CLPSL1: variants seen among roughly 807,000 people sequenced by gnomAD.
CLPSL1 encodes the protein colipase-like protein 1.
Under a neutral mutation model 9.3 loss-of-function variants are expected in CLPSL1, and 13 were observed. The ratio of observed to expected loss-of-function variants is 1.40; its 90% CI spans 0.91 to 2.22. The LOEUF is 2.22. Among genes scored for constraint, CLPSL1 ranks in the 30% most tolerant of loss-of-function variants. The pLI is 0.00. For missense variants in CLPSL1, 164 were observed against 146.6 expected (o/e 1.12, Z -0.61); for synonymous variants, 58 against 56.9 (o/e 1.02, Z -0.08).
chr6:35,781,762 T>C (rs1415439255), intron 1 of CLPSL1, among the ~76,000 whole-genome samples: 1 of 151,120 alleles, frequency 6.6e-6, no homozygotes, highest in Non-Finnish European at 1.5e-5. Context: ...TTTCTTTTTT[T>C]TGGGACAGAG....
downstream of CLPSL1, among the ~76,000 whole-genome samples, chr6:35,788,605 G>T (rs1197041479): frequency 1.3e-5 from 2 of 152,256 alleles, no homozygotes; most frequent in Non-Finnish European, 2.9e-5. Context: ...TAGGGAAACG[G>T]GTTGAGCAAC....
At chr6:35,785,423 C>T (rs910458273) in intron 1 of CLPSL1, among the ~76,000 whole-genome samples, 9 of 152,002 alleles carry the variant, frequency 5.9e-5, no homozygotes, top group African/African-American at 9.7e-5. Flanking sequence ...GTGATCTGCC[C>T]GCCTCGGCCT....
At chr6:35,792,605 C>T (rs1392975895), downstream of CLPSL1, among the ~76,000 whole-genome samples, 1 of 152,286 alleles carries the variant, frequency 6.6e-6, no homozygotes, top group Non-Finnish European at 1.5e-5. Flanking sequence ...TACAGGAGCA[C>T]TGGCCGTTGG....
downstream of CLPSL1, among the ~76,000 whole-genome samples, chr6:35,792,073 C>G (rs1024118692): frequency 1.1e-4 from 16 of 148,356 alleles, no homozygotes; most frequent in South Asian, 2.1e-4. Context: ...GCAACAGAGA[C>G]AGACTCCATC....
At position 35,781,031 on chromosome 6, in the gene CLPSL1, C is replaced by A; in HGVS notation, c.-80C>A. On this transcript the variant is annotated 5_prime_UTR_variant, in exon 1 of 3. Transcript: ENST00000373861. ...GGGTGCTGGTTTTACATGGTGTTCC[C>A]ACAGCTGGGAGGACACCCACATGGT... 6.3e-7 allele frequency: 1 copy of A among 1,576,340 alleles called. No individual in the cohort carries two copies. Among genetic ancestry groups the A allele is most frequent in the Non-Finnish European group, 8.6e-7 (1 of 1,160,946 alleles).
chr6:35,793,996 T>G (rs1306217488), downstream of CLPSL1, among the ~76,000 whole-genome samples: 1 of 152,246 alleles, frequency 6.6e-6, no homozygotes, highest in Admixed American at 6.5e-5. Context: ...CACCCATTTT[T>G]CTTAATGCGA....
At chr6:35,783,703 G>A (rs1205920910) in intron 1 of CLPSL1, among the ~76,000 whole-genome samples, 1 of 151,596 alleles carries the variant, frequency 6.6e-6, no homozygotes, top group African/African-American at 2.4e-5. Context: ...AGCTACTCAG[G>A]AGGCTGAGGC....
At position 35,787,918 on chromosome 6, in the gene CLPSL1, A is replaced by G. The variant is rs781209603; in HGVS notation, c.274A>G (p.Ile92Val). ...ACPCLRNLTC[I>V]YSKNEKWLSI... ...TCCCTGCCTGCGGAACCTGACTTGT[A>G]TATATTCAAAGAATGAGAAATGGCT... is the stretch of plus-strand genomic sequence containing the variant. The change falls in exon 3 of 3, where the codon ATA (isoleucine) becomes GTA (valine). Residue 92 changes from isoleucine (I) to valine (V), a missense_variant. Physicochemically the swap from Ile to Val is conservative, Grantham distance 29 (BLOSUM62 3). Coordinates refer to ENST00000373861, the MANE Select transcript of CLPSL1 (RefSeq NM_001010886.5). 9.9e-6 allele frequency: 16 copies of G among 1,609,724 alleles called. No homozygotes were observed. Among genetic ancestry groups the G allele is most frequent in the Admixed American group, 1.7e-5 (1 of 60,002 alleles).
At chr6:35,793,340 G>T (rs916226889) in intron 1 of CLPSL1, 5 of 417,306 alleles carry the variant, frequency 1.2e-5, no homozygotes, top group Non-Finnish European at 1.9e-5. Flanking sequence ...CAGGAGAATC[G>T]CATGAACCCA....
At chr6:35,786,948 G>GGGC (rs1345709247) in intron 1 of CLPSL1, 50 bp from the exon 2 acceptor site, 19 of 1,545,572 alleles carry the variant, frequency 1.2e-5, no homozygotes, top group Non-Finnish European at 2.6e-6. Flanking sequence ...GGGGCGGCGA[G>GGGC]GGCGGAAGGC....
At position 35,787,991 on chromosome 6, in the gene CLPSL1, C is replaced by T. The variant is rs995124958; in HGVS notation, c.347C>T (p.Ala116Val). The change falls in exon 3 of 3, where the codon GCT becomes GTT. Residue 116 changes from alanine to valine, a missense_variant. Ala to Val is a moderately conservative substitution (Grantham distance 64, BLOSUM62 0). Transcript: ENST00000373861. The part of the protein sequence containing the change: ...RCQKIGRQKL[A>V]KKMFF ...CAGAAAATTGGAAGGCAGAAGTTGG[C>T]TAAGAAAATGTTCTTCTAGTGCTCC... The T allele has an allele frequency of 5.6e-6, 9 of 1,612,844 alleles. No individual in the cohort carries two copies. The highest frequency in any genetic ancestry group is 7.6e-6 in the Non-Finnish European group (9 of 1,178,978).
chr6:35,781,295 A>C, intron 1 of CLPSL1, 86 bp downstream of exon 1: 1 of 1,517,634 alleles, frequency 6.6e-7, no homozygotes, highest in Non-Finnish European at 8.8e-7. Context: ...CATGGGGGCT[A>C]GTGTGGGAGA....
At chr6:35,784,497 C>T (rs1768030293) in intron 1 of CLPSL1, among the ~76,000 whole-genome samples, 3 of 152,112 alleles carry the variant, frequency 2.0e-5, no homozygotes, top group Non-Finnish European at 2.9e-5. Context: ...AGGAAGGAGT[C>T]GACTGAGATG....
chr6:35,790,640 G>A (rs1241648713), downstream of CLPSL1, among the ~76,000 whole-genome samples: 2 of 152,360 alleles, frequency 1.3e-5, no homozygotes, highest in Admixed American at 6.5e-5. Context: ...AGATGAATGG[G>A]CCCTTAGGAG....
chr6:35,785,658 ACTGCC>A (rs1472029547), intron 1 of CLPSL1, among the ~76,000 whole-genome samples: 2 of 152,154 alleles, frequency 1.3e-5, no homozygotes, highest in Non-Finnish European at 2.9e-5. Context: ...CTGGAGCCTA[ACTGCC>A]AAATTATCAT....
At chr6:35,793,444 G>A (rs1581958927) in intron 1 of CLPSL1, 3 of 389,588 alleles carry the variant, frequency 7.7e-6, no homozygotes, top group Non-Finnish European at 1.5e-5. Flanking sequence ...AAAAAAAAAG[G>A]GTATGCAAGA....
At chr6:35,792,075 G>A (rs1207543370), downstream of CLPSL1, among the ~76,000 whole-genome samples, 2 of 151,734 alleles carry the variant, frequency 1.3e-5, no homozygotes, top group Non-Finnish European at 2.9e-5. Flanking sequence ...AACAGAGACA[G>A]ACTCCATCTT....
Position 35,788,120 on chromosome 6 carries a change from G to A in CLPSL1, c.*110G>A, listed in dbSNP as rs774748275. ...CTCCACCATGAGTGGAGGGAAGTGG[G>A]GAGTGATTGAAATAAAGAGCTTTTT... On this transcript the variant is annotated 3_prime_UTR_variant, in exon 3 of 3. Transcript: ENST00000373861. 1.5e-5 allele frequency: 14 copies of A among 937,474 alleles called. No individual in the cohort carries two copies. Among genetic ancestry groups the A allele is most frequent in the African/African-American group, 3.3e-5 (2 of 61,090 alleles). 58.1% of individuals were successfully genotyped at this position (937,474 alleles called of 1,614,324 possible).
downstream of CLPSL1, among the ~76,000 whole-genome samples, chr6:35,792,319 T>C (rs527260073): frequency 6.6e-6 from 1 of 152,310 alleles, no homozygotes; most frequent in African/African-American, 2.4e-5. Context: ...CTGAATATCA[T>C]AGCTTAGCTT....
Sources: gnomAD v4.1 joint callset for allele counts (sites outside exome capture counted in the v4.1 genomes callset) on GRCh38, gnomAD v4.1.1 for gene constraint, MANE v1.5 for transcripts, NCBI Gene and HGNC (gene_info 2026-07-23, HGNC 2026-07-21) for gene names.